Variants in SPRYD7 observed in about 807,000 individuals in gnomAD.
The protein encoded by SPRYD7 is SPRY domain containing 7.
SPRYD7 carries 14 observed loss-of-function variants against 23.8 expected under a neutral mutation model. That is an observed-to-expected ratio of 0.59 (90% CI 0.39 to 0.92). The LOEUF (loss-of-function observed/expected upper bound fraction) is 0.92, where lower values mean the gene tolerates loss of function less well. Ranked by LOEUF, SPRYD7 falls within the 40% of genes least tolerant of loss-of-function variation. The pLI is 0.00. For missense variants in SPRYD7, 194 were observed against 241.7 expected (o/e 0.80, Z 1.31); for synonymous variants, 75 against 84.9 (o/e 0.88, Z 0.64).
Position 49,928,096 on chromosome 13 carries a change from AAC to A in SPRYD7, c.224-13_224-12del, listed in dbSNP as rs777663819. On this transcript the variant is annotated splice_polypyrimidine_tract_variant and intron_variant, in intron 2 of 4. Coordinates refer to ENST00000361840, the MANE Select transcript of SPRYD7 (RefSeq NM_020456.4). ...CAATACCCCAGATTCCTAAAAATAT[AAC>A]AGTTTAAATGCCCTCAAAATCTGAA... is the stretch of plus-strand genomic sequence containing the variant. 1.9e-6 allele frequency: 3 copies of A among 1,612,120 alleles called. No homozygotes were observed. In the African/African-American group the frequency reaches 4.0e-5, roughly 22 times the overall value.
intron 4 of SPRYD7, among the ~76,000 whole-genome samples, chr13:49,919,881 T>G (rs947348379): frequency 6.6e-6 from 1 of 151,552 alleles, no homozygotes; most frequent in African/African-American, 2.4e-5. Context: ...ATATATTACC[T>G]GGCATTTGCC....
chr13:49,924,939 G>A (rs1323351509), intron 3 of SPRYD7, among the ~76,000 whole-genome samples: 1 of 148,008 alleles, frequency 6.8e-6, no homozygotes, highest in South Asian at 2.1e-4. Context: ...CTGCATCATT[G>A]CACTTCAGCC....
chr13:49,922,276 AAAT>A (rs1429677161), intron 3 of SPRYD7, among the ~76,000 whole-genome samples: 2 of 149,542 alleles, frequency 1.3e-5, no homozygotes, highest in Non-Finnish European at 1.5e-5. Context: ...ATTATTGTTA[AAAT>A]AATTATTTTA....
chr13:49,934,718 TC>T (rs1183729804), intron 1 of SPRYD7, among the ~76,000 whole-genome samples: 1 of 152,164 alleles, frequency 6.6e-6, no homozygotes, highest in Non-Finnish European at 1.5e-5. Flanking sequence ...GACCAGCTCT[TC>T]CTAGAGGAAA....
At position 49,936,136 on chromosome 13, in the gene SPRYD7, G is replaced by C; in HGVS notation, c.100C>G (p.His34Asp). The part of the protein sequence containing the change: ...EMPAVQLDTQ[H>D]MGTDVVIVKN... ...GGGAAGGGAGGGCCCTTACCCATGT[G>C]CTGCGTGTCCAGCTGCACGGCCGGC... The change falls in exon 1 of 5, where the codon CAC (histidine) becomes GAC (aspartate). Residue 34 changes from histidine to aspartate, a missense_variant. Physicochemically the swap from His to Asp is moderately conservative, Grantham distance 81. Transcript: ENST00000361840. 1 of 1,600,578 alleles carries C rather than the reference G, an allele frequency of 6.2e-7. No homozygotes were observed. The highest frequency in any genetic ancestry group is 1.1e-5 in the South Asian group (1 of 88,716).
In SPRYD7 at chr13:49,931,075, C is replaced by T. The variant is rs958144402; in HGVS notation, c.166G>A (p.Ala56Thr). 5.6e-6 allele frequency: 9 copies of T among 1,613,598 alleles called. No individual in the cohort carries two copies. The highest frequency in any genetic ancestry group is 7.6e-6 in the Non-Finnish European group (9 of 1,179,814). The stretch of plus-strand genomic sequence containing the variant: ...TTGTTTTGATGTAAAGGTGCGCTGG[C>T]TAAACAACCTCCTGTTCCACATATT... ...RRICGTGGCL[A>T]SAPLHQNKSY... Residue 56 changes from alanine (A) to threonine (T), a missense_variant, in exon 2 of 5, where the codon GCC becomes ACC. By Grantham distance (58) the Ala-to-Thr change is moderately conservative. Coordinates refer to ENST00000361840, the MANE Select transcript of SPRYD7 (RefSeq NM_020456.4).
At chr13:49,923,927 G>C (rs527927911) in intron 3 of SPRYD7, among the ~76,000 whole-genome samples, 14 of 151,646 alleles carry the variant, frequency 9.2e-5, no homozygotes, top group Admixed American at 7.2e-4. Flanking sequence ...AACAGATTCT[G>C]AAATTAGACT....
intron 4 of SPRYD7, among the ~76,000 whole-genome samples, chr13:49,918,403 C>CTTT (rs11436488): frequency 9.1e-5 from 13 of 143,042 alleles, no homozygotes; most frequent in Non-Finnish European, 1.1e-4. Flanking sequence ...TAAATTAGTT[C>CTTT]TTTTTTTTTT....
At chr13:49,922,149 G>C (rs1266987325) in intron 3 of SPRYD7, among the ~76,000 whole-genome samples, 1 of 151,406 alleles carries the variant, frequency 6.6e-6, no homozygotes, top group East Asian at 1.9e-4. Flanking sequence ...GAATAAAATT[G>C]GTAATTAGTT....
intron 3 of SPRYD7, among the ~76,000 whole-genome samples, chr13:49,922,230 A>T (rs1955829399): frequency 6.6e-6 from 1 of 151,170 alleles, no homozygotes; most frequent in South Asian, 2.1e-4. Context: ...TCGGTACACT[A>T]TTGATGGAAA....
chr13:49,927,999 T>C lies in SPRYD7; in HGVS notation c.310A>G (p.Asn104Asp), dbSNP rs1955902244. Residue 104 changes from asparagine (N) to aspartate (D), a missense_variant, in exon 3 of 5, where the codon AAT (asparagine) becomes GAT (aspartate). Asn to Asp is a conservative substitution (Grantham distance 23). Coordinates refer to ENST00000361840, the MANE Select transcript of SPRYD7 (RefSeq NM_020456.4). ...TTGTTGTGGTAAAGGGCTCCATCAT[T>C]TCTCATCACCAGACTGTGCATATCT... ...GRDMHSLVMR[N>D]DGALYHNNEE... 1 of 1,614,232 alleles carries C rather than the reference T, an allele frequency of 6.2e-7. No individual in the cohort carries two copies. Among genetic ancestry groups the C allele is most frequent in the Non-Finnish European group, 8.5e-7 (1 of 1,180,040 alleles).
At chr13:49,923,669 T>C (rs899723749) in intron 3 of SPRYD7, among the ~76,000 whole-genome samples, 1 of 152,180 alleles carries the variant, frequency 6.6e-6, no homozygotes, top group African/African-American at 2.4e-5. Flanking sequence ...CTTTTTTTTT[T>C]TGAGACTGGG....
intron 1 of SPRYD7, among the ~76,000 whole-genome samples, chr13:49,934,173 C>T (rs1036175965): frequency 1.3e-5 from 2 of 152,064 alleles, no homozygotes; most frequent in Admixed American, 1.3e-4. Flanking sequence ...GTTCTTCTAA[C>T]TCAACAACCC....
chr13:49,926,818 G>A (rs1270631561), intron 3 of SPRYD7, among the ~76,000 whole-genome samples: 2 of 152,162 alleles, frequency 1.3e-5, no homozygotes. Flanking sequence ...CCAAGGTTCA[G>A]TGTACAAGGG....
intron 4 of SPRYD7, among the ~76,000 whole-genome samples, chr13:49,919,311 C>T (rs891109910): frequency 2.0e-4 from 30 of 151,628 alleles, no homozygotes; most frequent in East Asian, 2.0e-4. Context: ...TTTGGAAGGC[C>T]GAGGCGGGCA....
At chr13:49,935,999 G>A in intron 1 of SPRYD7, 131 bp downstream of exon 1, 2 of 529,114 alleles carry the variant, frequency 3.8e-6, no homozygotes, top group Non-Finnish European at 6.4e-6. Flanking sequence ...AGATCTGCGA[G>A]ACGAAATGGT....
chr13:49,914,077 A>C lies in SPRYD7; in HGVS notation c.*986T>G, dbSNP rs1156959087. The C allele has an allele frequency of 6.5e-6, 1 of 153,704 alleles. No individual in the cohort carries two copies. The highest frequency in any genetic ancestry group is 1.5e-5 in the Non-Finnish European group (1 of 68,046). The allele number at this position is 153,704 out of a possible 1,614,324, so 9.5% of individuals were successfully genotyped here. A position where few individuals can be genotyped will look rare whatever the true frequency, so the allele number is the denominator to read the frequency against. On this transcript the variant is annotated 3_prime_UTR_variant, in exon 5 of 5. Transcript: ENST00000361840. ...TTGCCATGCTCATTTGAAAACAGAC[A>C]ACGTATCTAAAGATGTATAGAGTGA...
chr13:49,929,253 T>C (rs755942388), intron 2 of SPRYD7, among the ~76,000 whole-genome samples: 2 of 152,160 alleles, frequency 1.3e-5, no homozygotes, highest in Non-Finnish European at 2.9e-5. Flanking sequence ...AAGGCTGCAC[T>C]GAGCTATAAT....
chr13:49,934,889 C>CTGA (rs2138245809), intron 1 of SPRYD7, among the ~76,000 whole-genome samples: 1 of 152,248 alleles, frequency 6.6e-6, no homozygotes, highest in East Asian at 1.9e-4. Context: ...TGCCTGCCAC[C>CTGA]TGATAATTGC....
Sources: gnomAD v4.1 joint callset for allele counts (sites outside exome capture counted in the v4.1 genomes callset) on GRCh38, gnomAD v4.1.1 for gene constraint, MANE v1.5 for transcripts, NCBI Gene and HGNC (gene_info 2026-07-23, HGNC 2026-07-21) for gene names.